The following CTNNA3 variants were observed in gnomAD, a reference collection of about 807,000 sequenced individuals.
CTNNA3 encodes the protein catenin alpha-3.
A neutral mutation model predicts 95.7 loss-of-function variants in CTNNA3; 76 were observed. The ratio of observed to expected loss-of-function variants is 0.79; its 90% CI spans 0.66 to 0.96. CTNNA3 has a LOEUF of 0.96. Among genes scored for constraint, CTNNA3 ranks in the 40% least tolerant of loss-of-function variants. CTNNA3 has a pLI of 0.00. For synonymous variants in CTNNA3, 431 were observed against 374.4 expected (o/e 1.15, Z -1.74); for missense variants, 1,191 against 1,089.8 (o/e 1.09, Z -1.31).
intron 5 of CTNNA3, among the ~76,000 whole-genome samples, chr10:67,510,227 A>G (rs1191236475): frequency 1.3e-5 from 2 of 152,068 alleles, no homozygotes; most frequent in African/African-American, 4.8e-5. Flanking sequence ...TTTTGTTGCC[A>G]TTGCTTTGGG....
intron 11 of CTNNA3, among the ~76,000 whole-genome samples, chr10:66,407,039 C>G (rs748838576): frequency 2.0e-5 from 3 of 152,020 alleles, no homozygotes; most frequent in Admixed American, 1.3e-4. Context: ...CTTCAAAGGG[C>G]TCCTCTGATA....
intron 13 of CTNNA3, among the ~76,000 whole-genome samples, chr10:66,221,887 A>T (rs1236026893): frequency 6.6e-6 from 1 of 152,226 alleles, no homozygotes; most frequent in Admixed American, 6.5e-5. Flanking sequence ...TTTAGAATCA[A>T]ATCGCAATGC....
intron 7 of CTNNA3, among the ~76,000 whole-genome samples, chr10:67,094,790 C>G (rs1857869438): frequency 6.6e-6 from 1 of 151,594 alleles, no homozygotes; most frequent in Admixed American, 6.6e-5. Context: ...CAAAGACTTA[C>G]CTGAACACAA....
chr10:65,971,805 A>T (rs1385665222), intron 16 of CTNNA3, among the ~76,000 whole-genome samples: 7 of 152,128 alleles, frequency 4.6e-5, no homozygotes, highest in Non-Finnish European at 2.9e-5. Flanking sequence ...TCTTTAGCTC[A>T]TTCAACAAAA....
At chr10:66,249,685 T>C (rs1337008331) in intron 13 of CTNNA3, among the ~76,000 whole-genome samples, 1 of 152,104 alleles carries the variant, frequency 6.6e-6, no homozygotes, top group South Asian at 2.1e-4. Context: ...TTGGTGGGGA[T>C]GTAAATTAGT....
chr10:67,329,000 T>C (rs1841670794), intron 5 of CTNNA3, among the ~76,000 whole-genome samples: 1 of 152,214 alleles, frequency 6.6e-6, no homozygotes, highest in Non-Finnish European at 1.5e-5. Context: ...GATAAACCCA[T>C]AAGTGATTTT....
At chr10:67,372,948 G>A (rs1843536992) in intron 5 of CTNNA3, among the ~76,000 whole-genome samples, 1 of 152,078 alleles carries the variant, frequency 6.6e-6, no homozygotes, top group Non-Finnish European at 1.5e-5. Flanking sequence ...TCACCACCAG[G>A]CCTGCCCTAA....
At chr10:66,267,580 T>C (rs1381227342) in intron 13 of CTNNA3, among the ~76,000 whole-genome samples, 1 of 152,144 alleles carries the variant, frequency 6.6e-6, no homozygotes, top group African/African-American at 2.4e-5. Context: ...GACTCAACCA[T>C]GTTTGCGTTC....
intron 7 of CTNNA3, among the ~76,000 whole-genome samples, chr10:66,980,778 G>A (rs891546167): frequency 5.9e-5 from 9 of 152,190 alleles, no homozygotes; most frequent in Non-Finnish European, 1.3e-4. Context: ...CAACCTTCAT[G>A]TACAAGAGTG....
chr10:67,004,055 C>T (rs183667901), intron 7 of CTNNA3, among the ~76,000 whole-genome samples: 7 of 152,000 alleles, frequency 4.6e-5, no homozygotes, highest in African/African-American at 1.7e-4. Context: ...CCAGTTTTCT[C>T]ACCTAACATA....
At chr10:67,236,548 T>C (rs1445827114) in intron 5 of CTNNA3, among the ~76,000 whole-genome samples, 5 of 151,304 alleles carry the variant, frequency 3.3e-5, no homozygotes, top group Non-Finnish European at 7.4e-5. Flanking sequence ...CATTGGGAGA[T>C]ATACCTAATG....
At chr10:66,869,406 T>A (rs1464673665) in intron 7 of CTNNA3, among the ~76,000 whole-genome samples, 1 of 152,016 alleles carries the variant, frequency 6.6e-6, no homozygotes, top group Non-Finnish European at 1.5e-5. Context: ...AAACCTCATC[T>A]GTATTAAAAT....
At chr10:66,772,508 G>C (rs1840133162) in intron 8 of CTNNA3, among the ~76,000 whole-genome samples, 1 of 152,018 alleles carries the variant, frequency 6.6e-6, no homozygotes, top group South Asian at 2.1e-4. Flanking sequence ...CACTGCGAAG[G>C]AGAGCTGAAG....
chr10:67,726,273 T>TATA (rs376509155), intron 1 of CTNNA3, among the ~76,000 whole-genome samples: 26,221 of 97,738 alleles, frequency 0.27, 4,037 homozygotes, highest in East Asian at 0.5. Flanking sequence ...ACATATTATA[T>TATA]ATATTATATT....
chr10:66,416,755 G>C (rs2093149681), intron 11 of CTNNA3, among the ~76,000 whole-genome samples: 1 of 151,794 alleles, frequency 6.6e-6, no homozygotes, highest in Non-Finnish European at 1.5e-5. Context: ...TCTCAGACAA[G>C]ATAAAACTAA....
chr10:67,736,687 C>T (rs996634642), intron 1 of CTNNA3, among the ~76,000 whole-genome samples: 2 of 151,950 alleles, frequency 1.3e-5, no homozygotes, highest in African/African-American at 4.8e-5. Flanking sequence ...GATCTCCTGA[C>T]CTCGTGTTCC....
intron 5 of CTNNA3, among the ~76,000 whole-genome samples, chr10:67,493,561 C>CAAAAAAAAAAAAAA (rs61570165): frequency 1.2e-4 from 11 of 94,114 alleles, no homozygotes; most frequent in South Asian, 3.3e-4. Flanking sequence ...GACTCTGTCT[C>CAAAAAAAAAAAAAA]AAAAAAAAAA....
chr10:66,015,530 CT>C (rs2079078378), intron 15 of CTNNA3, among the ~76,000 whole-genome samples: 1 of 152,118 alleles, frequency 6.6e-6, no homozygotes, highest in Non-Finnish European at 1.5e-5. Flanking sequence ...GTAACTGTGA[CT>C]GAGATTGCTG....
At chr10:66,175,493 T>A (rs979262288) in intron 13 of CTNNA3, among the ~76,000 whole-genome samples, 1 of 152,118 alleles carries the variant, frequency 6.6e-6, no homozygotes, top group Non-Finnish European at 1.5e-5. Flanking sequence ...CAGGTAGAGC[T>A]GGGTAAACAG....
Sources: allele counts gnomAD v4.1 joint callset (sites outside exome capture counted in the v4.1 genomes callset), GRCh38; gene constraint gnomAD v4.1.1; transcripts MANE v1.5; gene names NCBI Gene and HGNC (gene_info 2026-07-23, HGNC 2026-07-21).